NAA35: variants seen among roughly 807,000 people sequenced by gnomAD.
NAA35 encodes N-alpha-acetyltransferase 35, NatC auxiliary subunit.
A neutral mutation model predicts 101.7 loss-of-function variants in NAA35; 18 were observed. That is an observed-to-expected ratio of 0.18 (90% confidence interval 0.12 to 0.26). The LOEUF is 0.26. Ranked by LOEUF, NAA35 falls within the 10% of genes least tolerant of loss-of-function variation. The probability of loss-of-function intolerance (pLI) is 1.00; values close to 1 mark genes in which losing one functional copy is unlikely to be tolerated. For missense variants in NAA35, 601 were observed against 886.8 expected, an observed-to-expected ratio of 0.68 and a Z score of 4.09; for synonymous variants, 267 against 273.1, an observed-to-expected ratio of 0.98 and a Z score of 0.22.
chr9:85,977,297 T>C (rs1446991747), intron 9 of NAA35, 66 bp from the exon 10 acceptor site: 1 of 1,095,222 alleles, frequency 9.1e-7, no homozygotes, highest in Non-Finnish European at 1.4e-6. Flanking sequence ...AGTTAATATA[T>C]TTTAAATGAA....
In NAA35 at chr9:86,003,575, T is replaced by TA. The variant is rs757391149; in HGVS notation, c.1057-9dup. The TA allele has an allele frequency of 8.3e-6, 13 of 1,562,886 alleles. No individual in the cohort carries two copies. The highest frequency in any genetic ancestry group is 1.1e-5 in the Non-Finnish European group (13 of 1,141,338). On this transcript the variant is annotated splice_polypyrimidine_tract_variant and intron_variant, in intron 12 of 22. Transcript: ENST00000361671. ...TTAATGACATTGCTTTTTCTTTATA[T>TA]ATCTGTTAGGATTTTTTCTGTGAAT...
At chr9:85,962,779 G>A (rs1393282780) in intron 6 of NAA35, among the ~76,000 whole-genome samples, 1 of 152,092 alleles carries the variant, frequency 6.6e-6, no homozygotes, top group Non-Finnish European at 1.5e-5. Context: ...GATTCCCAGA[G>A]AAAAATGAAA....
At chr9:86,015,387 G>A (rs913711692) in intron 17 of NAA35, among the ~76,000 whole-genome samples, 11 of 151,782 alleles carry the variant, frequency 7.2e-5, no homozygotes, top group African/African-American at 2.7e-4. Flanking sequence ...GCATTTCCCC[G>A]AGATAACCTT....
intron 8 of NAA35, 124 bp from the exon 9 acceptor site, chr9:85,976,561 C>T (rs1830221256): frequency 6.7e-6 from 4 of 599,958 alleles, no homozygotes; most frequent in Non-Finnish European, 8.2e-6. Context: ...GGCTTTTTTT[C>T]CCCAACTATT....
At chr9:85,967,902 C>T (rs532265382) in intron 6 of NAA35, among the ~76,000 whole-genome samples, 2 of 152,250 alleles carry the variant, frequency 1.3e-5, no homozygotes, top group African/African-American at 4.8e-5. Context: ...GTCTCCTGAT[C>T]TGGAGACGTT....
chr9:86,025,073 A>G lies in NAA35; in HGVS notation c.*3113A>G, dbSNP rs1832726262. On this transcript the variant is annotated 3_prime_UTR_variant, in exon 23 of 23. Transcript: ENST00000361671. ...TGTTTCACCGTTTTGTTTGCACAAG[A>G]CTCTAAGACAGTATACTGCCTTAAA... Among the ~76,000 whole-genome samples, 1 of 152,064 alleles carries G rather than the reference A, an allele frequency of 6.6e-6. No individual in the cohort carries two copies. The highest frequency in any genetic ancestry group is 2.4e-5 in the African/African-American group (1 of 41,386).
In NAA35 at chr9:86,022,961, A is replaced by G. The variant is rs1343061055; in HGVS notation, c.*1001A>G. 6.6e-6 allele frequency among the ~76,000 whole-genome samples: 1 copy of G among 152,168 alleles called. No homozygotes were observed. Among genetic ancestry groups the G allele is most frequent in the Non-Finnish European group, 1.5e-5 (1 of 68,014 alleles). On this transcript the variant is annotated 3_prime_UTR_variant, in exon 23 of 23. Coordinates refer to ENST00000361671, the MANE Select transcript of NAA35 (RefSeq NM_024635.4). ...TAAATTGGCTTTGGTGGCTTAGCCT[A>G]AGACTAGTGACAGTTTTATATTTGG...
At chr9:85,989,892 A>G (rs1023142357) in intron 11 of NAA35, among the ~76,000 whole-genome samples, 1 of 152,252 alleles carries the variant, frequency 6.6e-6, no homozygotes, top group Non-Finnish European at 1.5e-5. Flanking sequence ...GTTAAAGCTG[A>G]GAAATCATCT....
At chr9:86,016,785 C>T in intron 18 of NAA35, 110 bp downstream of exon 18, 1 of 1,115,304 alleles carries the variant, frequency 9.0e-7, no homozygotes, top group Non-Finnish European at 1.3e-6. Flanking sequence ...TCTTGTTCCT[C>T]TTTTCAGAAA....
chr9:85,986,160 A>C (rs1465066513), intron 11 of NAA35, among the ~76,000 whole-genome samples: 1 of 152,208 alleles, frequency 6.6e-6, no homozygotes, highest in African/African-American at 2.4e-5. Flanking sequence ...TATTCAGAAG[A>C]GATTGAGAGA....
At chr9:86,002,835 C>T (rs1831473667) in intron 12 of NAA35, among the ~76,000 whole-genome samples, 1 of 152,128 alleles carries the variant, frequency 6.6e-6, no homozygotes, top group South Asian at 2.1e-4. Flanking sequence ...AATTCTATTT[C>T]TGTCATTCCA....
intron 6 of NAA35, among the ~76,000 whole-genome samples, chr9:85,973,117 T>C (rs571527231): frequency 6.6e-6 from 1 of 152,210 alleles, no homozygotes; most frequent in East Asian, 1.9e-4. Context: ...ATCATTTTGG[T>C]GTGGGAGCCG....
At chr9:86,010,008 T>C (rs938627097) in intron 15 of NAA35, 77 bp downstream of exon 15, 3 of 1,177,904 alleles carry the variant, frequency 2.5e-6, no homozygotes, top group South Asian at 2.6e-5. Context: ...TGGCTCACTT[T>C]GGGAGGCTGA....
intron 6 of NAA35, 46 bp downstream of exon 6, chr9:85,962,226 C>T (rs1196956528): frequency 2.5e-6 from 4 of 1,583,128 alleles, no homozygotes; most frequent in African/African-American, 2.7e-5. Flanking sequence ...TGCGGTGGCT[C>T]ATGCCTGTAA....
intron 14 of NAA35, among the ~76,000 whole-genome samples, chr9:86,008,203 C>G (rs916727766): frequency 1.3e-5 from 2 of 152,192 alleles, no homozygotes; most frequent in African/African-American, 4.8e-5. Context: ...GCTGAGATCA[C>G]GGGTGCATGT....
intron 6 of NAA35, among the ~76,000 whole-genome samples, chr9:85,969,071 C>T (rs1048658931): frequency 6.6e-6 from 1 of 152,094 alleles, no homozygotes. Context: ...CTTCAGTCTG[C>T]ATCACTGTGT....
At chr9:85,945,922 G>A (rs916663832) in intron 2 of NAA35, among the ~76,000 whole-genome samples, 14 of 152,068 alleles carry the variant, frequency 9.2e-5, no homozygotes, top group African/African-American at 3.4e-4. Flanking sequence ...TTAAAGTCCT[G>A]AATCAAATAC....
In NAA35 at chr9:86,021,979, C is replaced by A; in HGVS notation, c.*19C>A. 6.2e-7 allele frequency: 1 copy of A among 1,604,880 alleles called. No homozygotes were observed. The highest frequency in any genetic ancestry group is 1.1e-5 in the South Asian group (1 of 90,514). ...TGTTTGAGAGAGACTGGGGAGGTGG[C>A]CATAAAGGGGCAGAGTCTTCTTTCA... On this transcript the variant is annotated 3_prime_UTR_variant, in exon 23 of 23. Coordinates refer to ENST00000361671, the MANE Select transcript of NAA35 (RefSeq NM_024635.4).
rs1182052188 is a variant in NAA35, at chr9:86,023,746, T to C, written c.*1786T>C. ...GAAGTAGGTCTTCCTAAGTAAAAGT[T>C]TTCCTATTAACCCATTATCAACTAA... is the stretch of plus-strand genomic sequence containing the variant. On this transcript the variant is annotated 3_prime_UTR_variant, in exon 23 of 23. Coordinates refer to ENST00000361671, the MANE Select transcript of NAA35 (RefSeq NM_024635.4). Among the ~76,000 whole-genome samples, 1 of 152,240 alleles carries C rather than the reference T, an allele frequency of 6.6e-6. No homozygotes were observed. Among genetic ancestry groups the C allele is most frequent in the Non-Finnish European group, 1.5e-5 (1 of 68,050 alleles).
Sources: gnomAD v4.1 joint callset for allele counts (sites outside exome capture counted in the v4.1 genomes callset) on GRCh38, gnomAD v4.1.1 for gene constraint, MANE v1.5 for transcripts, NCBI Gene and HGNC (gene_info 2026-07-23, HGNC 2026-07-21) for gene names.